Variants in TIAM1 observed in about 807,000 individuals in gnomAD.
The protein encoded by TIAM1 is TIAM Rac1 associated GEF 1, also known as rho guanine nucleotide exchange factor TIAM1.
A neutral mutation model predicts 163.5 loss-of-function variants in TIAM1; 65 were observed. The observed-to-expected ratio is 0.40, with a 90% confidence interval of 0.33 to 0.49. The LOEUF is 0.49. Ranked by LOEUF, TIAM1 falls within the 20% of genes least tolerant of loss-of-function variation. TIAM1 has a pLI of 0.77. For synonymous variants in TIAM1, 833 were observed against 810.1 expected (o/e 1.03, Z -0.48); for missense variants, 1,789 against 2,044.7 (o/e 0.87, Z 2.41).
intron 2 of TIAM1, among the ~76,000 whole-genome samples, chr21:31,331,606 A>G (rs1406503461): frequency 6.6e-6 from 1 of 152,210 alleles, no homozygotes; most frequent in African/African-American, 2.4e-5. Context: ...ACCAAAAGGC[A>G]TTTGACCAGG....
chr21:31,364,999 C>G (rs1472711197), intron 2 of TIAM1, among the ~76,000 whole-genome samples: 1 of 152,218 alleles, frequency 6.6e-6, no homozygotes, highest in African/African-American at 2.4e-5. Flanking sequence ...AAACTTTATT[C>G]ATGAATGCTG....
chr21:31,435,886 T>C (rs1265485741), intron 2 of TIAM1, among the ~76,000 whole-genome samples: 2 of 152,206 alleles, frequency 1.3e-5, no homozygotes, highest in Non-Finnish European at 2.9e-5. Flanking sequence ...CACCATGTGA[T>C]GCTTTGCATC....
chr21:31,395,646 G>A lies in TIAM1; in HGVS notation c.-368-56224C>T, dbSNP rs2077053983. On this transcript the variant is annotated intron_variant, in intron 2 of 28. Coordinates refer to the TIAM1 transcript ENST00000286827. The surrounding 1 kb of genome is among the most constrained non-coding windows in gnomAD (Gnocchi z 7.5). ...AACTTACACAGAGGGCATGGGGGTA[G>A]TAAAAGGTGCTGGACGAGAGAATAA... is the stretch of plus-strand genomic sequence containing the variant. Among the ~76,000 whole-genome samples the A allele has an allele frequency of 6.6e-6, 1 of 152,204 alleles. No homozygotes were observed.
intron 1 of TIAM1, among the ~76,000 whole-genome samples, chr21:31,499,938 C>T (rs974485037): frequency 8.6e-5 from 13 of 151,162 alleles, no homozygotes; most frequent in Middle Eastern, 3.3e-3. Flanking sequence ...GAGGTCAAGG[C>T]GGCAAATCCC....
intron 1 of TIAM1, among the ~76,000 whole-genome samples, chr21:31,514,128 T>A (rs1355465645): frequency 6.6e-6 from 1 of 152,126 alleles, no homozygotes; most frequent in Non-Finnish European, 1.5e-5. Flanking sequence ...TCCTGCCTCA[T>A]CCCACCCTCA....
In TIAM1 at chr21:31,210,102, G is replaced by A; in HGVS notation, c.2331C>T (p.Ala777=). ...TGTCGCCTGGCCGGACGACCGTCAG[G>A]GCAGGCTGATTATTGGGCAGACAGA... is the stretch of plus-strand genomic sequence containing the variant. The part of the protein sequence containing the change: ...SWFCLPNNQP[A]LTVVRPGDTA... The change falls in exon 11 of 28, where the codon GCC becomes GCT. Residue 777 remains alanine, a synonymous_variant. Coordinates refer to ENST00000541036, the MANE Select transcript of TIAM1 (RefSeq NM_001353694.2). The A allele has an allele frequency of 6.2e-7, 1 of 1,614,142 alleles. No individual in the cohort carries two copies. The highest frequency in any genetic ancestry group is 8.5e-7 in the Non-Finnish European group (1 of 1,180,040).
chr21:31,241,988 T>TAATAGA (rs1458071553), intron 6 of TIAM1, among the ~76,000 whole-genome samples: 1 of 152,102 alleles, frequency 6.6e-6, no homozygotes, highest in Non-Finnish European at 1.5e-5. Context: ...CCAGCCTGGG[T>TAATAGA]AATAGAGCAA....
intron 2 of TIAM1, among the ~76,000 whole-genome samples, chr21:31,383,660 C>T (rs560875514): frequency 6.6e-6 from 1 of 152,328 alleles, no homozygotes; most frequent in East Asian, 1.9e-4. Context: ...CCTGTATCTA[C>T]ATGGGACTAC....
At chr21:31,173,850 A>G (rs956495520) in intron 15 of TIAM1, among the ~76,000 whole-genome samples, 1 of 152,168 alleles carries the variant, frequency 6.6e-6, no homozygotes, top group African/African-American at 2.4e-5. Flanking sequence ...AGAGCATCTC[A>G]GTCTCCGAAA....
intron 7 of TIAM1, among the ~76,000 whole-genome samples, 149 bp downstream of exon 7, chr21:31,225,560 GGGTGAAGAACACTGACA>G (rs962701309): frequency 2.0e-5 from 3 of 151,888 alleles, no homozygotes; most frequent in Non-Finnish European, 2.9e-5. Context: ...TATGAACAAA[GGGTGAAGAACACTGACA>G]GTCACAGTAA....
At chr21:31,192,320 A>G (rs2085601367) in intron 13 of TIAM1, among the ~76,000 whole-genome samples, 1 of 152,148 alleles carries the variant, frequency 6.6e-6, no homozygotes, top group African/African-American at 2.4e-5. Flanking sequence ...CAAATGCTAA[A>G]AAGCTTAATA....
Position 31,203,184 on chromosome 21 carries a change from G to A in TIAM1, c.2389-172C>T, listed in dbSNP as rs151096691. ...GTTGCCCAGCCTGGAGTGCAATGGC[G>A]CAATCTCGGCTCACTGCAACCTTCG... On this transcript the variant is annotated intron_variant, in intron 11 of 27. Coordinates refer to ENST00000541036, the MANE Select transcript of TIAM1 (RefSeq NM_001353694.2). Among the ~76,000 whole-genome samples the A allele has an allele frequency of 1.4e-3, 213 of 152,280 alleles. 2 individuals carry two copies. Among genetic ancestry groups the A allele is most frequent in the African/African-American group, 4.8e-3 (201 of 41,556 alleles).
intron 1 of TIAM1, among the ~76,000 whole-genome samples, chr21:31,484,336 G>C (rs9983388): frequency 0.34 from 52,033 of 152,090 alleles, 9,191 homozygotes; most frequent in Non-Finnish European, 0.37. Flanking sequence ...GGGACTGTGT[G>C]TGCTTTGCTC....
chr21:31,359,707 TGA>T (rs200784610), intron 2 of TIAM1, among the ~76,000 whole-genome samples: 2,503 of 151,696 alleles, frequency 0.017, 24 homozygotes, highest in African/African-American at 0.024. Flanking sequence ...GAGAATTGCT[TGA>T]ACCCGGGAGG....
intron 1 of TIAM1, among the ~76,000 whole-genome samples, chr21:31,523,616 T>G (rs890226252): frequency 1.3e-5 from 2 of 152,116 alleles, no homozygotes; most frequent in Non-Finnish European, 2.9e-5. Context: ...TGCTCATCAA[T>G]AAAGTGGAGA....
At chr21:31,379,801 T>C (rs897751482) in intron 2 of TIAM1, among the ~76,000 whole-genome samples, 7 of 152,186 alleles carry the variant, frequency 4.6e-5, no homozygotes, top group African/African-American at 1.7e-4. Flanking sequence ...ATTCCTTTCA[T>C]ATAAAATGTC....
At chr21:31,303,765 G>A (rs773173725) in intron 2 of TIAM1, among the ~76,000 whole-genome samples, 53 of 152,016 alleles carry the variant, frequency 3.5e-4, no homozygotes, top group Non-Finnish European at 5.1e-4. Flanking sequence ...ATCACCTGAG[G>A]TCAGGAGTTC....
chr21:31,275,117 G>A (rs1422783015), intron 3 of TIAM1, among the ~76,000 whole-genome samples: 2 of 144,144 alleles, frequency 1.4e-5, no homozygotes, highest in African/African-American at 5.1e-5. Context: ...GCAAAATGCT[G>A]TCTCAAGTTA....
intron 2 of TIAM1, among the ~76,000 whole-genome samples, chr21:31,422,481 AT>A (rs1051033724): frequency 2.0e-5 from 3 of 152,130 alleles, no homozygotes; most frequent in African/African-American, 7.2e-5. Flanking sequence ...AACAGATGGT[AT>A]TTTTAACAAG....
Sources: allele counts gnomAD v4.1 joint callset (sites outside exome capture counted in the v4.1 genomes callset), GRCh38; gene constraint gnomAD v4.1.1; non-coding constraint Gnocchi (gnomAD v3.1); transcripts MANE v1.5; gene names NCBI Gene and HGNC (gene_info 2026-07-23, HGNC 2026-07-21).